PAN3: variants seen among roughly 807,000 people sequenced by gnomAD.
PAN3 encodes poly(A) specific ribonuclease subunit PAN3.
In PAN3, 19 loss-of-function variants were observed where a neutral mutation model predicts 96.2. The observed-to-expected ratio is 0.20, with a 90% confidence interval of 0.14 to 0.29. The LOEUF (loss-of-function observed/expected upper bound fraction) is 0.29. Ranked by LOEUF, PAN3 falls within the 10% of genes least tolerant of loss-of-function variation. PAN3 has a pLI of 1.00. For missense variants in PAN3, 882 were observed against 1,108.1 expected (o/e 0.80, Z 2.90); for synonymous variants, 433 against 406.6 (o/e 1.06, Z -0.78).
chr13:28,244,969 C>T (rs558815556), intron 6 of PAN3, among the ~76,000 whole-genome samples: 8 of 152,156 alleles, frequency 5.3e-5, no homozygotes, highest in Non-Finnish European at 1.2e-4. Flanking sequence ...CTGCCTCAGC[C>T]TCCTGAGTAG....
At chr13:28,246,369 G>T (rs1384987960) in intron 6 of PAN3, among the ~76,000 whole-genome samples, 2 of 151,928 alleles carry the variant, frequency 1.3e-5, no homozygotes, top group Non-Finnish European at 2.9e-5. Context: ...TTTGATACAT[G>T]CATACAATGT....
intron 4 of PAN3, among the ~76,000 whole-genome samples, chr13:28,193,736 TA>T (rs35597675): frequency 1.2e-4 from 13 of 108,184 alleles, no homozygotes; most frequent in African/African-American, 1.2e-4. Context: ...GACCCTGACT[TA>T]AAAAAAAAAA....
intron 5 of PAN3, chr13:28,214,524 A>G: frequency 7.2e-6 from 2 of 278,728 alleles, no homozygotes; most frequent in Admixed American, 9.5e-5. Context: ...CAAAATGGGA[A>G]GAGACTTTTA....
chr13:28,227,405 G>A (rs1373966572), intron 6 of PAN3, among the ~76,000 whole-genome samples: 1 of 152,138 alleles, frequency 6.6e-6, no homozygotes. Flanking sequence ...GGGCTGGATG[G>A]GAGTGGGTAG....
At chr13:28,184,233 T>C (rs1184328199) in intron 4 of PAN3, among the ~76,000 whole-genome samples, 3 of 152,126 alleles carry the variant, frequency 2.0e-5, no homozygotes, top group African/African-American at 7.2e-5. Flanking sequence ...ATGATGATTT[T>C]CCGTATTTGT....
At chr13:28,154,981 C>A (rs368976949) in intron 1 of PAN3, among the ~76,000 whole-genome samples, 1 of 151,436 alleles carries the variant, frequency 6.6e-6, no homozygotes, top group Non-Finnish European at 1.5e-5. Flanking sequence ...CCACCATGCC[C>A]GGCTAATTTT....
chr13:28,207,437 G>A (rs547695586), intron 5 of PAN3, among the ~76,000 whole-genome samples: 94 of 152,158 alleles, frequency 6.2e-4, no homozygotes, highest in African/African-American at 2.2e-3. Context: ...TTTGTCATTG[G>A]GGGAAAAAAG....
rs745713048 is a variant in PAN3 at position 28,270,734 on chromosome 13, C to T, written c.1826C>T (p.Ala609Val). 2.5e-6 allele frequency: 4 copies of T among 1,613,932 alleles called. No homozygotes were observed. The highest frequency in any genetic ancestry group is 2.5e-6 in the Non-Finnish European group (3 of 1,179,844). ...GAGGGACCATTGCCCAGGCAGCATG[C>T]TGGATTATTGCCAGAATCTCTTATT... ...QHEGPLPRQH[A>V]GLLPESLIWA... Residue 609 changes from alanine (A) to valine (V), a missense_variant, in exon 13 of 19, where the codon GCT (alanine) becomes GTT (valine). Coordinates refer to ENST00000380958, the MANE Select transcript of PAN3 (RefSeq NM_175854.8).
chr13:28,203,490 G>A (rs1445346766), intron 5 of PAN3, among the ~76,000 whole-genome samples: 1 of 151,530 alleles, frequency 6.6e-6, no homozygotes, highest in African/African-American at 2.4e-5. Context: ...GTATTTTTTT[G>A]TAGAGACAGG....
intron 15 of PAN3, among the ~76,000 whole-genome samples, chr13:28,278,488 G>T (rs746085345): frequency 1.7e-4 from 26 of 151,990 alleles, no homozygotes; most frequent in Non-Finnish European, 3.1e-4. Flanking sequence ...TCAGCCATAT[G>T]TTAATAATTA....
rs1870066599 is a variant in PAN3 at position 28,142,995 on chromosome 13, A to G, written c.430+3908A>G. On this transcript the variant is annotated intron_variant, in intron 1 of 18. Coordinates refer to ENST00000380958, the MANE Select transcript of PAN3 (RefSeq NM_175854.8). ...GGAGGTGGGTGCATGAGAAAACTTT[A>G]TCTTTATTTTGCAGCCATTGGAAAA... is the stretch of plus-strand genomic sequence containing the variant. Among the ~76,000 whole-genome samples, 5 of 152,122 alleles carry G rather than the reference A, an allele frequency of 3.3e-5. No individual in the cohort carries two copies. In the South Asian group the frequency reaches 1.0e-3, roughly 32 times the overall value.
chr13:28,271,921 G>C, intron 13 of PAN3, 60 bp from the exon 14 acceptor site: 6 of 1,191,588 alleles, frequency 5.0e-6, no homozygotes, highest in Non-Finnish European at 7.0e-6. Context: ...TTTTCCATGA[G>C]TATGCAATTT....
intron 5 of PAN3, among the ~76,000 whole-genome samples, chr13:28,202,704 C>T (rs1170294639): frequency 2.0e-5 from 3 of 151,936 alleles, no homozygotes; most frequent in African/African-American, 4.8e-5. Context: ...CTTTACTATT[C>T]CTAGTGTATT....
chr13:28,226,273 A>T (rs1454519097), intron 6 of PAN3, among the ~76,000 whole-genome samples: 5 of 152,190 alleles, frequency 3.3e-5, no homozygotes, highest in Non-Finnish European at 7.4e-5. Flanking sequence ...CTTAAATATC[A>T]CCAGTTTTAA....
intron 6 of PAN3, among the ~76,000 whole-genome samples, chr13:28,256,051 A>G (rs371665787): frequency 1.3e-5 from 2 of 152,186 alleles, no homozygotes; most frequent in African/African-American, 4.8e-5. Context: ...GGAGGAGACT[A>G]TTCTTGCAGT....
chr13:28,209,134 G>T (rs1022852493), intron 5 of PAN3, among the ~76,000 whole-genome samples: 12 of 152,180 alleles, frequency 7.9e-5, no homozygotes, highest in African/African-American at 2.2e-4. Context: ...TAAAATTGTT[G>T]TTGGTTTTTT....
rs376734731 is a variant in PAN3 at position 28,174,422 on chromosome 13, T to C, written c.552+29T>C. On this transcript the variant is annotated intron_variant, in intron 2 of 18. Transcript: ENST00000380958. ...TCCTTAGTATAAATTCATATTGCAC[T>C]ATGAAGTTTATTCTAGGGCCAGAGG... The C allele has an allele frequency of 5.1e-4, 823 of 1,605,082 alleles. 2 individuals are homozygous for C. The highest frequency in any genetic ancestry group is 6.7e-4 in the Non-Finnish European group (788 of 1,173,828).
At chr13:28,223,871 ATTTTTTTTTTTTT>A (rs560571140) in intron 6 of PAN3, among the ~76,000 whole-genome samples, 3 of 75,010 alleles carry the variant, frequency 4.0e-5, no homozygotes, top group South Asian at 4.3e-4. Flanking sequence ...ATGAAAAGTG[ATTTTTTTTTTTTT>A]TTTTTTTTTT....
intron 1 of PAN3, among the ~76,000 whole-genome samples, chr13:28,140,702 C>T (rs562853497): frequency 1.3e-5 from 2 of 151,870 alleles, no homozygotes; most frequent in South Asian, 2.1e-4. Context: ...CTGTTCTGTT[C>T]TTTTCTCCTT....
Sources: gnomAD v4.1 joint callset for allele counts (sites outside exome capture counted in the v4.1 genomes callset) on GRCh38, gnomAD v4.1.1 for gene constraint, MANE v1.5 for transcripts, NCBI Gene and HGNC (gene_info 2026-07-23, HGNC 2026-07-21) for gene names.